Variants in HFM1 observed in about 807,000 individuals in gnomAD.
HFM1 encodes the protein helicase for meiosis 1, also known as probable ATP-dependent DNA helicase HFM1.
HFM1 carries 169 observed loss-of-function variants against 192.1 expected under a neutral mutation model. The observed-to-expected ratio is 0.88, with a 90% CI of 0.78 to 1.00. HFM1 has a LOEUF of 1.00. Ranked by LOEUF, HFM1 falls within the 50% of genes least tolerant of loss-of-function variation. HFM1 has a pLI of 0.00. For synonymous variants in HFM1, 525 were observed against 537.8 expected, an observed-to-expected ratio of 0.98 and a Z score of 0.33; for missense variants, 1,661 against 1,668.0, an observed-to-expected ratio of 1.00 and a Z score of 0.07.
chr1:91,315,823 G>A lies in HFM1; in HGVS notation c.3132C>T (p.His1044=), dbSNP rs752504995. 1.2e-6 allele frequency: 2 copies of A among 1,605,812 alleles called. No individual in the cohort carries two copies. The highest frequency in any genetic ancestry group is 1.7e-6 in the Non-Finnish European group (2 of 1,175,508). The change falls in exon 28 of 39, where the codon CAC becomes CAT. Residue 1044 remains histidine, a synonymous_variant. Coordinates refer to ENST00000370425, the MANE Select transcript of HFM1 (RefSeq NM_001017975.6). ...AGAAATTTCACACTTACGTAATCTT[G>A]TGCAGATAAACTACTTGATTATCTG... ...GDADNQVVYL[H]KITDSVLLKA...
At chr1:91,360,008 T>A (rs1476425297) in intron 13 of HFM1, among the ~76,000 whole-genome samples, 2 of 152,120 alleles carry the variant, frequency 1.3e-5, no homozygotes, top group Non-Finnish European at 2.9e-5. Context: ...GAATTTCCTA[T>A]CTGGCCAAAC....
chr1:91,400,433 T>C (rs1256137060), intron 2 of HFM1, among the ~76,000 whole-genome samples: 5 of 152,150 alleles, frequency 3.3e-5, no homozygotes, highest in African/African-American at 1.2e-4. Context: ...AAAAATAATC[T>C]GAACAAACCA....
At chr1:91,283,074 G>A (rs1159769699) in intron 30 of HFM1, among the ~76,000 whole-genome samples, 2 of 152,096 alleles carry the variant, frequency 1.3e-5, no homozygotes, top group Non-Finnish European at 2.9e-5. Context: ...ACTACCTGAC[G>A]AAATCTTTTT....
At chr1:91,373,828 T>C (rs1434781197) in intron 13 of HFM1, among the ~76,000 whole-genome samples, 1 of 151,992 alleles carries the variant, frequency 6.6e-6, no homozygotes, top group African/African-American at 2.4e-5. Flanking sequence ...TTACCCAGGC[T>C]CAGAAATTTC....
chr1:91,358,779 G>T (rs568776409), intron 13 of HFM1, among the ~76,000 whole-genome samples: 78 of 152,258 alleles, frequency 5.1e-4, no homozygotes, highest in Admixed American at 1.3e-3. Flanking sequence ...TGTTTCTTTG[G>T]GGGGGTCCCT....
chr1:91,324,840 T>C, intron 20 of HFM1, 74 bp from the exon 21 acceptor site: 4 of 802,924 alleles, frequency 5.0e-6, no homozygotes, highest in Non-Finnish European at 8.7e-6. Context: ...TTAACAAACA[T>C]TTCCTGAGGG....
At chr1:91,266,138 A>C in intron 35 of HFM1, 31 bp from the exon 36 acceptor site, 1 of 1,575,948 alleles carries the variant, frequency 6.3e-7, no homozygotes, top group African/African-American at 1.4e-5. Context: ...TTGAAACAAA[A>C]TGCCAAGAAA....
At chr1:91,403,169 C>T (rs1203248267) in intron 1 of HFM1, among the ~76,000 whole-genome samples, 2 of 152,024 alleles carry the variant, frequency 1.3e-5, no homozygotes, top group African/African-American at 4.8e-5. Flanking sequence ...TATGTTTCTC[C>T]CTTTAGAGCA....
chr1:91,341,116 T>C (rs1655268475), intron 20 of HFM1, among the ~76,000 whole-genome samples: 1 of 152,058 alleles, frequency 6.6e-6, no homozygotes, highest in Middle Eastern at 3.2e-3. Flanking sequence ...CAGAACACTC[T>C]ATCCAACAAC....
chr1:91,264,302 C>A (rs1043175694), intron 36 of HFM1, among the ~76,000 whole-genome samples: 1 of 144,506 alleles, frequency 6.9e-6, no homozygotes, highest in Non-Finnish European at 1.5e-5. Flanking sequence ...GATGCTGATA[C>A]TAATAATCAG....
intron 30 of HFM1, among the ~76,000 whole-genome samples, chr1:91,287,012 G>C (rs1184411803): frequency 1.3e-5 from 2 of 152,072 alleles, no homozygotes; most frequent in Non-Finnish European, 2.9e-5. Context: ...AGGGTCCTAC[G>C]CCCACGGAGT....
chr1:91,300,125 A>G lies in HFM1; in HGVS notation c.3391+13224T>C, dbSNP rs1354113092. ...ATATCACCACCGATCCCACAGAAAT[A>G]CAAACTACCATCAGAGAATACTATA... On this transcript the variant is annotated intron_variant, in intron 30 of 38. Transcript: ENST00000370425. Among the ~76,000 whole-genome samples the G allele has an allele frequency of 3.9e-5, 6 of 152,312 alleles. No individual in the cohort carries two copies. The South Asian group carries it at 8.3e-4, about 21-fold the overall frequency.
At chr1:91,330,927 G>C (rs529909502) in intron 20 of HFM1, among the ~76,000 whole-genome samples, 1 of 152,138 alleles carries the variant, frequency 6.6e-6, no homozygotes, top group Admixed American at 6.5e-5. Flanking sequence ...AAAAGCATTC[G>C]ATAAAATTCA....
intron 20 of HFM1, chr1:91,328,315 C>T (rs1449121103): frequency 2.8e-6 from 4 of 1,450,108 alleles, no homozygotes; most frequent in Non-Finnish European, 3.7e-6. Context: ...CAGGGCAACC[C>T]TGAATCAAGC....
chr1:91,385,218 A>G lies in HFM1; in HGVS notation c.771T>C (p.Gly257=). The change falls in exon 6 of 39, where the codon GGT becomes GGC. Residue 257 remains glycine, a synonymous_variant. Coordinates refer to ENST00000370425, the MANE Select transcript of HFM1 (RefSeq NM_001017975.6). ...CTGTGACAGCCTTCAAGGAACCTAA[A>G]CCATTTTCTGTTACCTCTGAAAAAA... is the stretch of plus-strand genomic sequence containing the variant. ...PHDIQEVTEN[G]LGSLKAVTEI... is the part of the protein sequence containing the mutation. The G allele has an allele frequency of 6.4e-7, 1 of 1,565,626 alleles. No homozygotes were observed. Among genetic ancestry groups the G allele is most frequent in the Non-Finnish European group, 8.8e-7 (1 of 1,142,100 alleles).
chr1:91,364,777 G>T (rs1659054950), intron 13 of HFM1, among the ~76,000 whole-genome samples: 1 of 151,094 alleles, frequency 6.6e-6, no homozygotes, highest in South Asian at 2.1e-4. Context: ...GGGACTACAG[G>T]CACCAGCCAC....
intron 13 of HFM1, among the ~76,000 whole-genome samples, chr1:91,359,154 A>G (rs1658135217): frequency 6.6e-6 from 1 of 152,184 alleles, no homozygotes; most frequent in Non-Finnish European, 1.5e-5. Flanking sequence ...AAAGATGAGA[A>G]AGAGTCAACG....
chr1:91,388,958 C>A (rs891453997), intron 4 of HFM1, among the ~76,000 whole-genome samples: 5 of 151,832 alleles, frequency 3.3e-5, no homozygotes, highest in African/African-American at 1.2e-4. Context: ...GACAAATAGC[C>A]CAATTAAAAT....
In HFM1 at chr1:91,303,423, T is replaced by C. The variant is rs1042218427; in HGVS notation, c.3391+9926A>G. Among the ~76,000 whole-genome samples the C allele has an allele frequency of 2.4e-4, 36 of 152,224 alleles. 1 individual carries two copies. Among genetic ancestry groups the C allele is most frequent in the African/African-American group, 8.7e-4 (36 of 41,458 alleles). On this transcript the variant is annotated intron_variant, in intron 30 of 38. Transcript: ENST00000370425. ...GCTTATCTATTCATCAGTTGATAGA[T>C]ATTTGGGTTGTTTCCAGTTTGGGCT...
Sources: allele counts gnomAD v4.1 joint callset (sites outside exome capture counted in the v4.1 genomes callset), GRCh38; gene constraint gnomAD v4.1.1; transcripts MANE v1.5; gene names NCBI Gene and HGNC (gene_info 2026-07-23, HGNC 2026-07-21).